Variants in GADL1 observed in about 807,000 individuals in gnomAD.
The protein encoded by GADL1 is GAD like acidic amino acid decarboxylase 1, also known as acidic amino acid decarboxylase GADL1.
Under a neutral mutation model 69.5 loss-of-function variants are expected in GADL1, and 71 were observed. The observed-to-expected ratio is 1.02, with a 90% CI of 0.84 to 1.25. GADL1 has a LOEUF of 1.25. GADL1 is among the 50% of genes most tolerant of loss of function. The pLI is 0.00. For missense variants in GADL1, 737 were observed against 631.8 expected (o/e 1.17, Z -1.79); for synonymous variants, 254 against 214.4 (o/e 1.18, Z -1.62).
chr3:30,744,707 C>G (rs1224408159), intron 14 of GADL1, among the ~76,000 whole-genome samples: 2 of 152,122 alleles, frequency 1.3e-5, no homozygotes, highest in Non-Finnish European at 1.5e-5. Flanking sequence ...GAGTGGCACA[C>G]TGTCTCCAAA....
chr3:30,850,263 A>G (rs1178239324), intron 5 of GADL1, among the ~76,000 whole-genome samples, 152 bp from the exon 6 acceptor site: 1 of 152,146 alleles, frequency 6.6e-6, no homozygotes, highest in Non-Finnish European at 1.5e-5. Flanking sequence ...CCCTGCTCCC[A>G]TTATTCTGAA....
chr3:30,804,031 A>G (rs553709692), intron 11 of GADL1, among the ~76,000 whole-genome samples: 1 of 152,202 alleles, frequency 6.6e-6, no homozygotes, highest in Non-Finnish European at 1.5e-5. Flanking sequence ...CTTTATATTG[A>G]TATTAATTCA....
intron 8 of GADL1, among the ~76,000 whole-genome samples, chr3:30,841,374 C>T (rs541108782): frequency 2.4e-4 from 36 of 152,198 alleles, no homozygotes; most frequent in African/African-American, 8.2e-4. Flanking sequence ...ATGTCCGTTT[C>T]ATGTACTTTC....
intron 11 of GADL1, among the ~76,000 whole-genome samples, chr3:30,820,572 AATAAAAT>A (rs1697554828): frequency 1.3e-5 from 2 of 152,206 alleles, no homozygotes; most frequent in South Asian, 4.1e-4. Flanking sequence ...AGGTTTAAAA[AATAAAAT>A]ATAAAATGTA....
In GADL1 at chr3:30,808,511, A is replaced by AAAT. The variant is rs201084899; in HGVS notation, c.1051-7424_1051-7423insATT. On this transcript the variant is annotated intron_variant, in intron 11 of 14. Coordinates refer to ENST00000282538, the MANE Select transcript of GADL1 (RefSeq NM_207359.3). ...GGACTCTATCTCAAAAAAAAAAAAAATGAGGATATCATTCAAATGTGAGAT... is the reference window on the plus strand; with the variant it reads ...GGACTCTATCTCAAAAAAAAAAAAAAAATTGAGGATATCATTCAAATGTGAGAT... Among the ~76,000 whole-genome samples the AAAT allele has an allele frequency of 2.6e-5, 4 of 151,396 alleles. 1 individual carries two copies. The South Asian group carries it at 6.4e-4, about 24-fold the overall frequency.
At chr3:30,815,894 G>A (rs1288050531) in intron 11 of GADL1, among the ~76,000 whole-genome samples, 1 of 152,132 alleles carries the variant, frequency 6.6e-6, no homozygotes, top group Non-Finnish European at 1.5e-5. Flanking sequence ...GACTAAGCAT[G>A]ACTGACTGAA....
intron 14 of GADL1, among the ~76,000 whole-genome samples, chr3:30,757,766 C>G (rs1036631272): frequency 6.7e-6 from 1 of 148,582 alleles, no homozygotes; most frequent in African/African-American, 2.6e-5. Flanking sequence ...GTCCCCTCCC[C>G]TGTTTAAACA....
At chr3:30,855,047 T>C (rs1293398668) in intron 3 of GADL1, among the ~76,000 whole-genome samples, 5 of 152,066 alleles carry the variant, frequency 3.3e-5, no homozygotes, top group African/African-American at 9.7e-5. Flanking sequence ...CTAGAATTGG[T>C]CTATATCTAG....
chr3:30,795,030 G>A (rs1255381157), intron 12 of GADL1, among the ~76,000 whole-genome samples: 1 of 152,144 alleles, frequency 6.6e-6, no homozygotes, highest in East Asian at 1.9e-4. Flanking sequence ...TTAGCTATAA[G>A]AGCCTGCCAA....
intron 2 of GADL1, 147 bp from the exon 3 acceptor site, chr3:30,857,288 C>A: frequency 1.5e-6 from 1 of 673,444 alleles, no homozygotes. Context: ...AGAACTATTA[C>A]AGTAATGTAG....
chr3:30,843,547 C>T (rs528421665), intron 8 of GADL1, among the ~76,000 whole-genome samples: 86 of 152,288 alleles, frequency 5.6e-4, no homozygotes, highest in African/African-American at 1.8e-3. Flanking sequence ...TGAGCCACCG[C>T]GCCCGGCCTA....
At chr3:30,844,491 A>T (rs763137319) in intron 6 of GADL1, 25 bp from the exon 7 acceptor site, 11 of 1,443,330 alleles carry the variant, frequency 7.6e-6, no homozygotes, top group Non-Finnish European at 8.8e-6. Context: ...ACAGTGGGGA[A>T]GGGGGAGACA....
At chr3:30,854,304 T>C (rs1282340288) in intron 4 of GADL1, among the ~76,000 whole-genome samples, 2 of 152,176 alleles carry the variant, frequency 1.3e-5, no homozygotes, top group Non-Finnish European at 1.5e-5. Context: ...GGATTTTACA[T>C]TAATTTTTGT....
At chr3:30,750,955 A>G in intron 14 of GADL1, among the ~76,000 whole-genome samples, 1 of 152,194 alleles carries the variant, frequency 6.6e-6, no homozygotes, top group East Asian at 1.9e-4. Flanking sequence ...CTTTGTAATA[A>G]ATATAAAAGA....
chr3:30,796,602 C>A (rs1308685198), intron 12 of GADL1, among the ~76,000 whole-genome samples: 1 of 151,938 alleles, frequency 6.6e-6, no homozygotes, highest in Non-Finnish European at 1.5e-5. Flanking sequence ...AAACTTGAAC[C>A]CGAAAGAATA....
chr3:30,741,496 A>G (rs910926458), intron 14 of GADL1, among the ~76,000 whole-genome samples: 1 of 151,970 alleles, frequency 6.6e-6, no homozygotes, highest in African/African-American at 2.4e-5. Flanking sequence ...TGTAAGACTG[A>G]TCTGTCTATT....
chr3:30,783,474 A>G (rs1266628347), intron 13 of GADL1, among the ~76,000 whole-genome samples: 1 of 151,916 alleles, frequency 6.6e-6, no homozygotes, highest in Non-Finnish European at 1.5e-5. Flanking sequence ...TGTTATGTTC[A>G]CTTACAATTT....
chr3:30,834,053 G>A (rs1449568887), intron 10 of GADL1, 119 bp from the exon 11 acceptor site: 2 of 910,002 alleles, frequency 2.2e-6, no homozygotes, highest in Non-Finnish European at 3.6e-6. Context: ...CTGTTCTATA[G>A]AACTCCTTAT....
chr3:30,834,253 G>A lies in GADL1; in HGVS notation c.932C>T (p.Ser311Leu), dbSNP rs751365275. 1.6e-5 allele frequency: 26 copies of A among 1,612,590 alleles called. No individual in the cohort carries two copies. The highest frequency in any genetic ancestry group is 8.9e-5 in the East Asian group (4 of 44,822). ...DASWGGSALMSRKHRKLLHGI... is the reference protein window; with the variant it reads ...DASWGGSALMLRKHRKLLHGI... ...ATGCAGAAGCTTGCGGTGCTTCCTC[G>A]ACATCAAAGCTGAGCCACCCCAAGA... The change falls in exon 10 of 15, where the codon TCG becomes TTG. Residue 311 changes from serine (S) to leucine (L), a missense_variant. By Grantham distance (145) the Ser-to-Leu change is moderately radical. Coordinates refer to ENST00000282538, the MANE Select transcript of GADL1 (RefSeq NM_207359.3).
Sources: allele counts gnomAD v4.1 joint callset (sites outside exome capture counted in the v4.1 genomes callset), GRCh38; gene constraint gnomAD v4.1.1; transcripts MANE v1.5; gene names NCBI Gene and HGNC (gene_info 2026-07-23, HGNC 2026-07-21).